The following PIAS1 variants were observed in gnomAD, a reference collection of about 807,000 sequenced individuals.
PIAS1 encodes protein inhibitor of activated STAT 1.
PIAS1 carries 6 observed loss-of-function variants against 71.3 expected under a neutral mutation model. The observed-to-expected ratio is 0.08, with a 90% confidence interval of 0.05 to 0.17. The LOEUF is 0.17. Among genes scored for constraint, PIAS1 ranks in the 10% least tolerant of loss-of-function variants. The pLI is 1.00. For missense variants in PIAS1, 555 were observed against 793.6 expected (o/e 0.70, Z 3.61); for synonymous variants, 303 against 292.9 (o/e 1.03, Z -0.35).
In PIAS1 at chr15:68,120,990, A is replaced by G. The variant is rs539373952; in HGVS notation, c.470-20956A>G. ...TGTTGTTGTTATTTTTGCTTTAAACAATCAGTTCTCTTTTGTGGATACTTA... is the reference window on the plus strand; with the variant it reads ...TGTTGTTGTTATTTTTGCTTTAAACGATCAGTTCTCTTTTGTGGATACTTA... On this transcript the variant is annotated intron_variant, in intron 2 of 13. Coordinates refer to ENST00000249636, the MANE Select transcript of PIAS1 (RefSeq NM_016166.3). Among the ~76,000 whole-genome samples the G allele has an allele frequency of 2.6e-5, 4 of 152,300 alleles. No individual in the cohort carries two copies. The East Asian group carries it at 7.7e-4, about 29-fold the overall frequency.
At chr15:68,109,470 A>C (rs914088012) in intron 2 of PIAS1, among the ~76,000 whole-genome samples, 3 of 152,240 alleles carry the variant, frequency 2.0e-5, no homozygotes. Context: ...CTAGGTACTC[A>C]GTAAATATTA....
intron 2 of PIAS1, among the ~76,000 whole-genome samples, chr15:68,141,506 A>G (rs2092770037): frequency 6.6e-6 from 1 of 152,054 alleles, no homozygotes; most frequent in South Asian, 2.1e-4. Flanking sequence ...AAAATTCTTA[A>G]TTTACTTTAT....
chr15:68,153,903 A>T (rs2092867932), intron 7 of PIAS1: 1 of 351,976 alleles, frequency 2.8e-6, no homozygotes, highest in Admixed American at 4.3e-5. Flanking sequence ...TCAGTGCACA[A>T]ACATGGAAGA....
chr15:68,175,460 A>C (rs2093015354), intron 9 of PIAS1, among the ~76,000 whole-genome samples, 177 bp from the exon 10 acceptor site: 1 of 152,182 alleles, frequency 6.6e-6, no homozygotes, highest in Non-Finnish European at 1.5e-5. Context: ...CATATGATTA[A>C]AAATCTTTGA....
chr15:68,128,441 C>G (rs2092667736), intron 2 of PIAS1, among the ~76,000 whole-genome samples: 1 of 152,204 alleles, frequency 6.6e-6, no homozygotes, highest in African/African-American at 2.4e-5. Context: ...AGCCACTGCT[C>G]CTGGCCAACC....
Position 68,179,079 on chromosome 15 carries a change from C to T in PIAS1, c.1482-2133C>T, listed in dbSNP as rs118121147. Reference sequence around the variant, plus strand: ...TAGAAGGAGAATAACACACCATAGTCAACACTAGTAGCCATTTTATAATAA... The same window carrying T: ...TAGAAGGAGAATAACACACCATAGTTAACACTAGTAGCCATTTTATAATAA... On this transcript the variant is annotated intron_variant, in intron 11 of 13. Coordinates refer to ENST00000249636, the MANE Select transcript of PIAS1 (RefSeq NM_016166.3). Among the ~76,000 whole-genome samples the T allele has an allele frequency of 6.1e-3, 927 of 152,248 alleles. 3 individuals are homozygous for T. Among genetic ancestry groups the T allele is most frequent in the East Asian group, 0.032 (166 of 5,188 alleles).
chr15:68,139,368 G>C (rs1380847223), intron 2 of PIAS1, among the ~76,000 whole-genome samples: 4 of 152,298 alleles, frequency 2.6e-5, no homozygotes, highest in African/African-American at 9.6e-5. Flanking sequence ...TGAATGGAAA[G>C]GTTGAAAGGA....
At chr15:68,085,419 G>A (rs2092270966) in intron 1 of PIAS1, among the ~76,000 whole-genome samples, 1 of 152,190 alleles carries the variant, frequency 6.6e-6, no homozygotes, top group African/African-American at 2.4e-5. Context: ...TGCGAACATA[G>A]GTAAACAAAG....
chr15:68,105,447 C>T (rs1003548339), intron 2 of PIAS1, among the ~76,000 whole-genome samples: 4 of 151,996 alleles, frequency 2.6e-5, no homozygotes, highest in Non-Finnish European at 5.9e-5. Context: ...ATATTTCTCA[C>T]TTTCCCACCA....
At chr15:68,179,158 C>T (rs2093037338) in intron 11 of PIAS1, among the ~76,000 whole-genome samples, 1 of 152,092 alleles carries the variant, frequency 6.6e-6, no homozygotes, top group African/African-American at 2.4e-5. Context: ...TGTTATTGTG[C>T]AGTATAAAGG....
intron 2 of PIAS1, among the ~76,000 whole-genome samples, chr15:68,134,801 G>GC (rs1469153792): frequency 2.3e-5 from 1 of 44,240 alleles, no homozygotes; most frequent in Non-Finnish European, 8.9e-5. Flanking sequence ...CTGGGCAGAG[G>GC]CCCCCCTCAC....
chr15:68,115,704 T>A (rs1480640272), intron 2 of PIAS1, among the ~76,000 whole-genome samples: 1 of 152,090 alleles, frequency 6.6e-6, no homozygotes, highest in Admixed American at 6.6e-5. Context: ...GATTTGAAGA[T>A]GTTTACTTCT....
At chr15:68,065,412 A>C (rs531453600) in intron 1 of PIAS1, among the ~76,000 whole-genome samples, 1 of 152,024 alleles carries the variant, frequency 6.6e-6, no homozygotes, top group African/African-American at 2.4e-5. Flanking sequence ...CAACATGGCA[A>C]AACCACATCT....
At chr15:68,090,711 G>C (rs1198358609) in intron 2 of PIAS1, among the ~76,000 whole-genome samples, 1 of 152,006 alleles carries the variant, frequency 6.6e-6, no homozygotes, top group Non-Finnish European at 1.5e-5. Flanking sequence ...AAATAGAGTA[G>C]GGAAGAATGG....
intron 6 of PIAS1, among the ~76,000 whole-genome samples, chr15:68,151,808 C>T (rs1264741431): frequency 5.3e-5 from 8 of 150,958 alleles, no homozygotes; most frequent in Admixed American, 4.6e-4. Context: ...TGCAGGGAGC[C>T]GAGATTGCGC....
At chr15:68,155,466 A>AAAAAAAAAC (rs1567067561) in intron 7 of PIAS1, among the ~76,000 whole-genome samples, 3 of 145,508 alleles carry the variant, frequency 2.1e-5, no homozygotes, top group African/African-American at 2.5e-5. Flanking sequence ...AAAAAAAAAA[A>AAAAAAAAAC]AAAAAACCAA....
chr15:68,180,924 G>A (rs956705318), intron 11 of PIAS1, among the ~76,000 whole-genome samples: 12 of 152,130 alleles, frequency 7.9e-5, no homozygotes, highest in Admixed American at 6.5e-4. Flanking sequence ...CCTTTCTCTT[G>A]CATTTTGAAA....
chr15:68,081,362 T>C (rs1037748344), intron 1 of PIAS1, among the ~76,000 whole-genome samples: 25 of 152,130 alleles, frequency 1.6e-4, no homozygotes, highest in Non-Finnish European at 1.5e-4. Flanking sequence ...GCCAGGTTAT[T>C]GCCCAGTCAT....
chr15:68,115,749 G>A (rs1166079006), intron 2 of PIAS1, among the ~76,000 whole-genome samples: 1 of 152,046 alleles, frequency 6.6e-6, no homozygotes, highest in African/African-American at 2.4e-5. Flanking sequence ...ATTAGGAATG[G>A]TTGTTGGGTT....
Sources: gnomAD v4.1 joint callset for allele counts (sites outside exome capture counted in the v4.1 genomes callset) on GRCh38, gnomAD v4.1.1 for gene constraint, MANE v1.5 for transcripts, NCBI Gene and HGNC (gene_info 2026-07-23, HGNC 2026-07-21) for gene names.